The following RPS6KL1 variants were observed in gnomAD, a reference collection of about 807,000 sequenced individuals.
RPS6KL1 encodes the protein ribosomal protein S6 kinase-like 1.
In RPS6KL1, 41 loss-of-function variants were observed where a neutral mutation model predicts 57.0. That is an observed-to-expected ratio of 0.72 (90% CI 0.56 to 0.93). The LOEUF is 0.93. Ranked by LOEUF, RPS6KL1 falls within the 40% of genes least tolerant of loss-of-function variation. RPS6KL1 has a pLI of 0.00. For synonymous variants in RPS6KL1, 287 were observed against 309.7 expected (o/e 0.93, Z 0.77); for missense variants, 697 against 727.7 (o/e 0.96, Z 0.49).
At chr14:74,919,242 G>A (rs565637076) in intron 4 of RPS6KL1, among the ~76,000 whole-genome samples, 15 of 152,218 alleles carry the variant, frequency 9.9e-5, no homozygotes, top group African/African-American at 2.7e-4. Flanking sequence ...CTCAGGGAAC[G>A]TGCCTTGAAG....
At position 74,909,594 on chromosome 14, in the gene RPS6KL1, C is replaced by G; in HGVS notation, c.1219G>C (p.Gly407Arg). Residue 407 changes from glycine (G) to arginine (R), a missense_variant, in exon 8 of 12, where the codon GGG becomes CGG. By Grantham distance (125) the Gly-to-Arg change is moderately radical (BLOSUM62 -2). Transcript: ENST00000557413. ...GGGTGGAGGTCCCGGCACAGCACCCCCTGCTCGTGCAGCGCCTCCAGCGCT... is the reference window on the plus strand; with the variant it reads ...GGGTGGAGGTCCCGGCACAGCACCCGCTGCTCGTGCAGCGCCTCCAGCGCT... ...LVALEALHEQ[G>R]VLCRDLHPGN... The G allele has an allele frequency of 4.3e-6, 7 of 1,612,500 alleles. No individual in the cohort carries two copies. The highest frequency in any genetic ancestry group is 5.9e-6 in the Non-Finnish European group (7 of 1,179,856).
At position 74,919,779 on chromosome 14, in the gene RPS6KL1, G is replaced by C. The variant is rs11844985; in HGVS notation, c.390+66C>G. ...CCAGGGCGGGCCTGTGGGTGTCGGG[G>C]CCTCCGCAGTCTCCCCTCAGAGCCC... is the stretch of plus-strand genomic sequence containing the variant. On this transcript the variant is annotated intron_variant, in intron 4 of 11. Coordinates refer to ENST00000557413, the MANE Select transcript of RPS6KL1 (RefSeq NM_031464.5). 7 of 1,565,224 alleles carry C rather than the reference G, an allele frequency of 4.5e-6. No homozygotes were observed. The African/African-American group carries it at 8.1e-5, about 18-fold the overall frequency.
rs911631516 is a variant in RPS6KL1, at chr14:74,906,838, C to T, written c.*176G>A. 6.7e-6 allele frequency: 5 copies of T among 750,262 alleles called. No individual in the cohort carries two copies. Among genetic ancestry groups the T allele is most frequent in the Admixed American group, 3.7e-5 (2 of 54,256 alleles). 46.5% of individuals were successfully genotyped at this position (750,262 alleles called of 1,614,324 possible). A position where few individuals can be genotyped will look rare whatever the true frequency, so the allele number is the denominator to read the frequency against. On this transcript the variant is annotated 3_prime_UTR_variant, in exon 12 of 12. Transcript: ENST00000557413. Reference sequence around the variant, plus strand: ...CCTCCAGCTTTTCCAGGAGCTGGCCCTTCCTGGGTGGTGGCCATAATTCTG... The same window carrying T: ...CCTCCAGCTTTTCCAGGAGCTGGCCTTTCCTGGGTGGTGGCCATAATTCTG...
chr14:74,907,823 AGGCAC>A (rs1885177718), intron 10 of RPS6KL1, among the ~76,000 whole-genome samples: 2 of 152,226 alleles, frequency 1.3e-5, no homozygotes, highest in South Asian at 2.1e-4. Flanking sequence ...CAATCAGGGC[AGGCAC>A]TCTTGGGAAT....
intron 11 of RPS6KL1, 71 bp from the exon 12 acceptor site, chr14:74,907,195 A>T: frequency 7.1e-7 from 1 of 1,405,744 alleles, no homozygotes; most frequent in East Asian, 2.3e-5. Flanking sequence ...AGGGACTCCA[A>T]CCACTATGGC....
At position 74,906,977 on chromosome 14, in the gene RPS6KL1, G is replaced by T; in HGVS notation, c.*37C>A. Reference sequence around the variant, plus strand: ...TCAGGCAAGGAGGAGAGGCGATCCAGACCAGGCCAGCTGCTTCCGTCACCC... The same window carrying T: ...TCAGGCAAGGAGGAGAGGCGATCCATACCAGGCCAGCTGCTTCCGTCACCC... On this transcript the variant is annotated 3_prime_UTR_variant, in exon 12 of 12. Transcript: ENST00000557413. 6.6e-7 allele frequency: 1 copy of T among 1,504,286 alleles called. No homozygotes were observed. Among genetic ancestry groups the T allele is most frequent in the Non-Finnish European group, 9.2e-7 (1 of 1,086,546 alleles). 93.2% of individuals were successfully genotyped at this position (1,504,286 alleles called of 1,614,324 possible). A position where few individuals can be genotyped will look rare whatever the true frequency, so the allele number is the denominator to read the frequency against.
chr14:74,907,416 T>C lies in RPS6KL1; in HGVS notation c.1539+19A>G. 1 of 1,558,008 alleles carries C rather than the reference T, an allele frequency of 6.4e-7. No individual in the cohort carries two copies. Among genetic ancestry groups the C allele is most frequent in the Admixed American group, 1.9e-5 (1 of 52,078 alleles). On this transcript the variant is annotated intron_variant, in intron 11 of 11. Coordinates refer to ENST00000557413, the MANE Select transcript of RPS6KL1 (RefSeq NM_031464.5). ...CCTCAGGCTAGGCAGCTGCTTCCTCTGGCCGGGCTACACCTCACCTCAGTC... is the reference window on the plus strand; with the variant it reads ...CCTCAGGCTAGGCAGCTGCTTCCTCCGGCCGGGCTACACCTCACCTCAGTC...
At chr14:74,919,421 ATGCACACAGATATGTGTGTG>A (rs1336938319) in intron 4 of RPS6KL1, among the ~76,000 whole-genome samples, 1 of 152,212 alleles carries the variant, frequency 6.6e-6, no homozygotes, top group Non-Finnish European at 1.5e-5. Context: ...GTGCACATAC[ATGCACACAGATATGTGTGTG>A]TGCACACAAG....
chr14:74,913,841 C>G (rs1267199618), intron 5 of RPS6KL1, among the ~76,000 whole-genome samples: 1 of 152,366 alleles, frequency 6.6e-6, no homozygotes, highest in East Asian at 1.9e-4. Context: ...GAAGCCCACC[C>G]TGGCTGTAAA....
rs1216974009 is a variant in RPS6KL1 at position 74,904,528 on chromosome 14, TTTTTG to T, written c.*2481_*2485del. On this transcript the variant is annotated 3_prime_UTR_variant, in exon 12 of 12. Coordinates refer to ENST00000557413, the MANE Select transcript of RPS6KL1 (RefSeq NM_031464.5). ...CAGATGGTTGGGGGGCTTAGGATGT[TTTTTG>T]TTTTGTTTCCATAAAGCATCATAGT... is the stretch of plus-strand genomic sequence containing the variant. The T allele has an allele frequency of 3.3e-5, 5 of 152,130 alleles. No individual in the cohort carries two copies. Among genetic ancestry groups the T allele is most frequent in the African/African-American group, 4.8e-5 (2 of 41,390 alleles). 9.4% of individuals were successfully genotyped at this position (152,130 alleles called of 1,614,324 possible).
At chr14:74,921,196 G>A (rs994280657) in intron 3 of RPS6KL1, 81 bp downstream of exon 3, 5 of 1,286,382 alleles carry the variant, frequency 3.9e-6, no homozygotes, top group Non-Finnish European at 3.3e-6. Context: ...ATGGACAGGG[G>A]ACAAGACAGA....
chr14:74,919,804 C>T (rs775248938), intron 4 of RPS6KL1, 41 bp downstream of exon 4: 2 of 1,603,714 alleles, frequency 1.2e-6, no homozygotes, highest in Non-Finnish European at 1.7e-6. Flanking sequence ...CCTCAGAGCC[C>T]TCCTCCCGCT....
Position 74,921,577 on chromosome 14 carries a change from G to C in RPS6KL1, c.-20-16C>G. The stretch of plus-strand genomic sequence containing the variant: ...CAGCTGGGACCTGGAATGGGCAAAT[G>C]CATTAGGGAGGACCTAGCTGGTAGC... On this transcript the variant is annotated splice_polypyrimidine_tract_variant and intron_variant, in intron 2 of 11. Transcript: ENST00000557413. The C allele has an allele frequency of 6.2e-7, 1 of 1,602,876 alleles. No individual in the cohort carries two copies. The highest frequency in any genetic ancestry group is 8.5e-7 in the Non-Finnish European group (1 of 1,174,918).
At chr14:74,913,595 A>G (rs1361848227) in intron 5 of RPS6KL1, among the ~76,000 whole-genome samples, 1 of 152,146 alleles carries the variant, frequency 6.6e-6, no homozygotes, top group African/African-American at 2.4e-5. Context: ...AAACCAAGAA[A>G]GCCCTTGGTG....
intron 4 of RPS6KL1, 37 bp from the exon 5 acceptor site, chr14:74,918,642 G>A (rs1438782503): frequency 9.4e-6 from 14 of 1,483,526 alleles, no homozygotes; most frequent in Non-Finnish European, 1.3e-5. Flanking sequence ...ACAGCCTCAG[G>A]GCCGAGCCCT....
intron 5 of RPS6KL1, among the ~76,000 whole-genome samples, chr14:74,915,156 G>A (rs1886635466): frequency 6.6e-6 from 1 of 152,212 alleles, no homozygotes; most frequent in South Asian, 2.1e-4. Context: ...TGGGGCCATT[G>A]AGCACTTGAA....
Position 74,911,358 on chromosome 14 carries a change from A to T in RPS6KL1, c.554T>A (p.Val185Glu), listed in dbSNP as rs776223071. The T allele has an allele frequency of 6.2e-7, 1 of 1,608,434 alleles. No individual in the cohort carries two copies. Among genetic ancestry groups the T allele is most frequent in the South Asian group, 1.1e-5 (1 of 91,064 alleles). ...VVKSLPRCHMVSRERLTIIPH... is the reference protein window; with the variant it reads ...VVKSLPRCHMESRERLTIIPH... ...GATGATGGTCAGCCGCTCCCTGCTC[A>T]CCATGTGGCACCTGGGTAGGCTCTG... The change falls in exon 7 of 12, where the codon GTG becomes GAG. Residue 185 changes from valine (V) to glutamate (E), a missense_variant. By Grantham distance (121) the Val-to-Glu change is moderately radical. Coordinates refer to ENST00000557413, the MANE Select transcript of RPS6KL1 (RefSeq NM_031464.5).
At position 74,907,089 on chromosome 14, in the gene RPS6KL1, C is replaced by T. The variant is rs950571688; in HGVS notation, c.1575G>A (p.Met525Ile). 1.2e-6 allele frequency: 2 copies of T among 1,613,610 alleles called. No homozygotes were observed. Among genetic ancestry groups the T allele is most frequent in the East Asian group, 2.2e-5 (1 of 44,888 alleles). Residue 525 changes from methionine (M) to isoleucine (I), a missense_variant, in exon 12 of 12, where the codon ATG becomes ATA. Met to Ile is a conservative substitution (Grantham distance 10). Coordinates refer to ENST00000557413, the MANE Select transcript of RPS6KL1 (RefSeq NM_031464.5). ...TGAGTTTGCTGACACCACCTTCTCC[C>T]ATGCCCAGGCGCCGGGTAGGCTCGA... ...LQFEPTRRLG[M>I]GEGGVSKLKS...
intron 10 of RPS6KL1, 94 bp from the exon 11 acceptor site, chr14:74,907,624 C>A (rs1885147729): frequency 3.5e-6 from 4 of 1,154,754 alleles, no homozygotes; most frequent in Non-Finnish European, 4.9e-6. Flanking sequence ...ATGTCACAGC[C>A]CATGAGGAGG....
Sources: gnomAD v4.1 joint callset for allele counts (sites outside exome capture counted in the v4.1 genomes callset) on GRCh38, gnomAD v4.1.1 for gene constraint, MANE v1.5 for transcripts, NCBI Gene and HGNC (gene_info 2026-07-23, HGNC 2026-07-21) for gene names.